Variants in PDE4D observed in about 807,000 individuals in gnomAD.
The protein encoded by PDE4D is 3',5'-cyclic-AMP phosphodiesterase 4D.
Under a neutral mutation model 87.4 loss-of-function variants are expected in PDE4D, and 24 were observed. The observed-to-expected ratio is 0.27, with a 90% CI of 0.20 to 0.39. The LOEUF (loss-of-function observed/expected upper bound fraction) is 0.39. Ranked by LOEUF, PDE4D falls within the 10% of genes least tolerant of loss-of-function variation. The pLI is 1.00. For missense variants in PDE4D, 714 were observed against 1,041.0 expected, an observed-to-expected ratio of 0.69 and a Z score of 4.32; for synonymous variants, 384 against 383.2, an observed-to-expected ratio of 1.00 and a Z score of -0.02.
intron 1 of PDE4D, among the ~76,000 whole-genome samples, chr5:59,889,680 CAAT>C (rs1750679520): frequency 1.3e-5 from 2 of 151,980 alleles, no homozygotes; most frequent in African/African-American, 4.8e-5. Flanking sequence ...GTCAAAGAAA[CAAT>C]AAAATTATTT....
chr5:59,601,723 C>T (rs1827533763), intron 1 of PDE4D, among the ~76,000 whole-genome samples: 1 of 152,052 alleles, frequency 6.6e-6, no homozygotes, highest in South Asian at 2.1e-4. Context: ...TCCTTTCGTG[C>T]TCAACCAAAA....
chr5:59,211,045 ATTG>A (rs1749960732), intron 2 of PDE4D, among the ~76,000 whole-genome samples: 1 of 152,144 alleles, frequency 6.6e-6, no homozygotes, highest in African/African-American at 2.4e-5. Flanking sequence ...TGACAAAAAT[ATTG>A]TCTATTTACG....
intron 1 of PDE4D, among the ~76,000 whole-genome samples, chr5:59,289,178 C>T (rs1020788908): frequency 6.6e-6 from 1 of 151,782 alleles, no homozygotes. Flanking sequence ...ATAAAGACAA[C>T]AGAAAGTTTT....
At chr5:60,446,724 A>G (rs1389357788) in intron 1 of PDE4D, among the ~76,000 whole-genome samples, 1 of 152,210 alleles carries the variant, frequency 6.6e-6, no homozygotes, top group Non-Finnish European at 1.5e-5. Context: ...AAGAGAATTC[A>G]GATGGAGAGC....
intron 1 of PDE4D, among the ~76,000 whole-genome samples, chr5:60,364,360 G>A (rs1024640639): frequency 1.3e-5 from 2 of 152,130 alleles, no homozygotes; most frequent in African/African-American, 4.8e-5. Flanking sequence ...GAAGATAGGG[G>A]AAATTACATG....
At chr5:60,049,203 G>GT (rs1415292712) in intron 2 of PDE4D, among the ~76,000 whole-genome samples, 2 of 152,112 alleles carry the variant, frequency 1.3e-5, no homozygotes, top group African/African-American at 4.8e-5. Context: ...TCGAGCCTTG[G>GT]TTTTCAGCTC....
chr5:59,875,509 C>T (rs1748458674), intron 1 of PDE4D, among the ~76,000 whole-genome samples: 4 of 137,582 alleles, frequency 2.9e-5, no homozygotes, highest in Admixed American at 2.2e-4. Flanking sequence ...CTGTATCCTG[C>T]TTGAAAAAGG....
At chr5:59,433,853 C>T (rs1284016350) in intron 1 of PDE4D, among the ~76,000 whole-genome samples, 1 of 152,004 alleles carries the variant, frequency 6.6e-6, no homozygotes, top group Non-Finnish European at 1.5e-5. Context: ...TTAATAATGC[C>T]CTGCACAGCA....
At chr5:59,464,897 AT>A (rs1182675655) in intron 1 of PDE4D, among the ~76,000 whole-genome samples, 3 of 152,366 alleles carry the variant, frequency 2.0e-5, no homozygotes, top group Admixed American at 1.3e-4. Context: ...CAAAAAAAAA[AT>A]CTTTTCAAAA....
intron 11 of PDE4D, 126 bp from the exon 12 acceptor site, chr5:58,977,471 C>A: frequency 2.6e-6 from 2 of 773,740 alleles, no homozygotes; most frequent in East Asian, 2.5e-5. Flanking sequence ...CATTACCTGA[C>A]AATATCCAGG....
rs1425713566 is a variant in PDE4D, at chr5:58,974,052, A to G, written c.*612T>C. Reference sequence around the variant, plus strand: ...TAGTTTTTTTTAAATATAATACCTCAATACATTTAATAATAAAAGTAAGCT... The same window carrying G: ...TAGTTTTTTTTAAATATAATACCTCGATACATTTAATAATAAAAGTAAGCT... On this transcript the variant is annotated 3_prime_UTR_variant, in exon 15 of 15. Transcript: ENST00000340635. The G allele has an allele frequency of 6.6e-6, 1 of 152,608 alleles. No homozygotes were observed. The highest frequency in any genetic ancestry group is 1.5e-5 in the Non-Finnish European group (1 of 68,026). The allele number at this position is 152,608 out of a possible 1,614,324, so 9.5% of individuals were successfully genotyped here.
At chr5:60,239,264 CAT>C (rs1234873857) in intron 1 of PDE4D, among the ~76,000 whole-genome samples, 1 of 152,088 alleles carries the variant, frequency 6.6e-6, no homozygotes, top group East Asian at 1.9e-4. Flanking sequence ...CTTAGGGACA[CAT>C]GAGTCTATTT....
intron 1 of PDE4D, among the ~76,000 whole-genome samples, chr5:59,358,303 G>C (rs566504111): frequency 2.6e-5 from 4 of 152,290 alleles, no homozygotes; most frequent in African/African-American, 9.6e-5. Context: ...AGCAACCTTG[G>C]AGGAGCAGAG....
chr5:59,293,714 G>C (rs1768500477), intron 1 of PDE4D, among the ~76,000 whole-genome samples: 1 of 152,208 alleles, frequency 6.6e-6, no homozygotes, highest in African/African-American at 2.4e-5. Flanking sequence ...CAAGGCCTCA[G>C]TAATGCAGAG....
chr5:59,054,251 A>C (rs1406637802), intron 5 of PDE4D, among the ~76,000 whole-genome samples: 2 of 152,028 alleles, frequency 1.3e-5, no homozygotes, highest in Non-Finnish European at 2.9e-5. Flanking sequence ...GAATCCCCAG[A>C]CTCCACTCAT....
chr5:60,240,065 C>T (rs1202531235), intron 1 of PDE4D, among the ~76,000 whole-genome samples: 6 of 151,960 alleles, frequency 3.9e-5, no homozygotes, highest in Non-Finnish European at 8.8e-5. Flanking sequence ...CTCAAACATG[C>T]CATGTTAACC....
intron 2 of PDE4D, among the ~76,000 whole-genome samples, chr5:59,999,252 T>G (rs543686637): frequency 6.6e-6 from 1 of 152,138 alleles, no homozygotes; most frequent in Non-Finnish European, 1.5e-5. Flanking sequence ...GAGTGGAATG[T>G]ATGTCCAATG....
At chr5:59,104,164 A>G (rs557670492) in intron 5 of PDE4D, among the ~76,000 whole-genome samples, 53 of 152,326 alleles carry the variant, frequency 3.5e-4, no homozygotes, top group African/African-American at 9.9e-4. Context: ...TTAAACCTCA[A>G]TAGTCTTACA....
At chr5:59,514,351 C>T (rs1240142211) in intron 1 of PDE4D, among the ~76,000 whole-genome samples, 7 of 152,016 alleles carry the variant, frequency 4.6e-5, no homozygotes, top group South Asian at 2.1e-4. Flanking sequence ...GTGATCCACC[C>T]GCCTCGGCCT....
Sources: allele counts gnomAD v4.1 joint callset (sites outside exome capture counted in the v4.1 genomes callset), GRCh38; gene constraint gnomAD v4.1.1; transcripts MANE v1.5; gene names NCBI Gene and HGNC (gene_info 2026-07-23, HGNC 2026-07-21).